HPSE2: variants seen among roughly 807,000 people sequenced by gnomAD.
HPSE2 encodes inactive heparanase-2.
HPSE2 carries 38 observed loss-of-function variants against 60.5 expected under a neutral mutation model. The ratio of observed to expected loss-of-function variants is 0.63; its 90% CI spans 0.48 to 0.82. The LOEUF is 0.82. Among genes scored for constraint, HPSE2 ranks in the 40% least tolerant of loss-of-function variants. The pLI, the probability that HPSE2 is intolerant of heterozygous loss-of-function variation, is 0.00. For missense variants in HPSE2, 713 were observed against 740.4 expected, an observed-to-expected ratio of 0.96 and a Z score of 0.43; for synonymous variants, 295 against 293.2, an observed-to-expected ratio of 1.01 and a Z score of -0.06.
chr10:99,206,061 C>A (rs1433804824), intron 2 of HPSE2, among the ~76,000 whole-genome samples: 1 of 152,154 alleles, frequency 6.6e-6, no homozygotes, highest in African/African-American at 2.4e-5. Flanking sequence ...AGAAAAAGTT[C>A]AATTGCTTGA....
intron 4 of HPSE2, among the ~76,000 whole-genome samples, chr10:98,742,705 G>A (rs2134323480): frequency 6.6e-6 from 1 of 151,206 alleles, no homozygotes; most frequent in East Asian, 2.0e-4. Flanking sequence ...CACGATTTAG[G>A]AAATATTTCT....
At chr10:99,056,469 C>T (rs962009465) in intron 3 of HPSE2, among the ~76,000 whole-genome samples, 9 of 151,906 alleles carry the variant, frequency 5.9e-5, no homozygotes, top group African/African-American at 1.9e-4. Flanking sequence ...AAGCCTGATG[C>T]AAAAATCTGA....
intron 3 of HPSE2, among the ~76,000 whole-genome samples, chr10:98,779,631 T>A (rs1194608660): frequency 6.6e-6 from 1 of 152,196 alleles, no homozygotes; most frequent in African/African-American, 2.4e-5. Context: ...ATTTTTATTT[T>A]AAAATGTTCT....
intron 3 of HPSE2, among the ~76,000 whole-genome samples, chr10:98,941,187 C>T (rs1954988731): frequency 7.3e-6 from 1 of 137,930 alleles, no homozygotes; most frequent in African/African-American, 3.0e-5. Flanking sequence ...CAGGGATGCC[C>T]TCTCTCACCA....
At chr10:99,003,696 T>G (rs1956827638) in intron 3 of HPSE2, among the ~76,000 whole-genome samples, 1 of 152,122 alleles carries the variant, frequency 6.6e-6, no homozygotes, top group South Asian at 2.1e-4. Context: ...TGCTATTGAG[T>G]TGAGTTCCTT....
intron 9 of HPSE2, among the ~76,000 whole-genome samples, chr10:98,510,966 G>T (rs988100604): frequency 6.6e-5 from 10 of 152,116 alleles, no homozygotes; most frequent in African/African-American, 2.4e-4. Context: ...AAAGTGGAGA[G>T]GTAATTTGCT....
At chr10:99,027,770 T>C (rs10786496) in intron 3 of HPSE2, among the ~76,000 whole-genome samples, 100,300 of 150,578 alleles carry the variant, frequency 0.67, 33,536 homozygotes, top group East Asian at 0.71. Flanking sequence ...AAAATACTAG[T>C]AAACCAAACT....
At chr10:98,632,181 G>A (rs1267156548) in intron 7 of HPSE2, among the ~76,000 whole-genome samples, 1 of 152,074 alleles carries the variant, frequency 6.6e-6, no homozygotes, top group Non-Finnish European at 1.5e-5. Context: ...GTTGGCTTGA[G>A]CAAATCACTG....
the HPSE2 span, among the ~76,000 whole-genome samples, chr10:99,245,485 G>C: frequency 6.6e-6 from 1 of 152,224 alleles, no homozygotes; most frequent in Non-Finnish European, 1.5e-5. Flanking sequence ...TTCAGATAGA[G>C]AGGGACCATC....
At chr10:98,909,607 C>T (rs866056502) in intron 3 of HPSE2, among the ~76,000 whole-genome samples, 28 of 144,294 alleles carry the variant, frequency 1.9e-4, no homozygotes, top group African/African-American at 6.5e-4. Flanking sequence ...CCAGCCTGGG[C>T]GACAGAGTGA....
intron 4 of HPSE2, among the ~76,000 whole-genome samples, chr10:98,742,491 A>C (rs1949522809): frequency 6.6e-6 from 1 of 152,096 alleles, no homozygotes; most frequent in Non-Finnish European, 1.5e-5. Flanking sequence ...TTGCATCAGT[A>C]ATTTTAAGAG....
At chr10:98,764,884 AC>A (rs1950086507) in intron 3 of HPSE2, among the ~76,000 whole-genome samples, 2 of 152,122 alleles carry the variant, frequency 1.3e-5, no homozygotes, top group African/African-American at 4.8e-5. Context: ...AAACAAACAA[AC>A]AAAAAAACTA....
At chr10:98,816,409 T>C (rs747088257) in intron 3 of HPSE2, among the ~76,000 whole-genome samples, 7 of 151,490 alleles carry the variant, frequency 4.6e-5, no homozygotes, top group Non-Finnish European at 7.4e-5. Context: ...CGATGGAGAG[T>C]GGATAAATAG....
chr10:99,200,281 G>A (rs1000650756), intron 2 of HPSE2, among the ~76,000 whole-genome samples: 3 of 152,058 alleles, frequency 2.0e-5, no homozygotes, highest in Non-Finnish European at 4.4e-5. Context: ...GTAGCAAAGC[G>A]ATAGGCACCT....
chr10:99,140,261 T>TA (rs1384913828), intron 3 of HPSE2, among the ~76,000 whole-genome samples: 5 of 152,144 alleles, frequency 3.3e-5, no homozygotes, highest in African/African-American at 1.2e-4. Flanking sequence ...GGAATCTCAG[T>TA]CCAGTTTGGA....
At chr10:98,782,952 T>TTTA (rs1565160482) in intron 3 of HPSE2, among the ~76,000 whole-genome samples, 1 of 138,010 alleles carries the variant, frequency 7.2e-6, no homozygotes, top group Non-Finnish European at 1.6e-5. Context: ...TTTTTTTTTT[T>TTTA]ATTATACTCT....
intron 7 of HPSE2, among the ~76,000 whole-genome samples, chr10:98,632,852 C>T (rs1276867225): frequency 6.6e-6 from 1 of 152,120 alleles, no homozygotes; most frequent in Non-Finnish European, 1.5e-5. Context: ...TGATGTTATC[C>T]CGAGGTATTA....
Position 99,049,376 on chromosome 10 carries a change from G to T in HPSE2, c.610+94862C>A, listed in dbSNP as rs577038974. ...ATATTTGAAGAAACAGGGGCTGAAAGTATCTCCAAAACGATAAAATATAAA... is the reference window on the plus strand; with the variant it reads ...ATATTTGAAGAAACAGGGGCTGAAATTATCTCCAAAACGATAAAATATAAA... On this transcript the variant is annotated intron_variant, in intron 3 of 11. Coordinates refer to ENST00000370552, the MANE Select transcript of HPSE2 (RefSeq NM_021828.5). Among the ~76,000 whole-genome samples the T allele has an allele frequency of 2.6e-5, 4 of 152,256 alleles. No homozygotes were observed. In the South Asian group the frequency reaches 6.2e-4, roughly 24 times the overall value.
chr10:98,800,183 A>C (rs857539), intron 3 of HPSE2, among the ~76,000 whole-genome samples: 17,532 of 151,516 alleles, frequency 0.12, 2,578 homozygotes, highest in African/African-American at 0.34. Flanking sequence ...GCCTGGGCAA[A>C]ATGGCGAGAC....
Sources: gnomAD v4.1 joint callset for allele counts (sites outside exome capture counted in the v4.1 genomes callset) on GRCh38, gnomAD v4.1.1 for gene constraint, MANE v1.5 for transcripts, NCBI Gene and HGNC (gene_info 2026-07-23, HGNC 2026-07-21) for gene names.